The following FAM53A variants were observed in gnomAD, a reference collection of about 807,000 sequenced individuals.
FAM53A encodes family with sequence similarity 53 member A.
A neutral mutation model predicts 26.6 loss-of-function variants in FAM53A; 28 were observed. That is an observed-to-expected ratio of 1.05 (90% CI 0.78 to 1.45). The LOEUF (loss-of-function observed/expected upper bound fraction) is 1.45, where lower values mean the gene tolerates loss of function less well. FAM53A is among the 40% of genes most tolerant of loss of function. FAM53A has a pLI of 0.00. For synonymous variants in FAM53A, 290 were observed against 253.1 expected (o/e 1.15, Z -1.38); for missense variants, 650 against 575.8 (o/e 1.13, Z -1.32).
At position 1,650,344 on chromosome 4, in the gene FAM53A, C is replaced by G. The variant is rs1292798799; in HGVS notation, c.882+4634G>C. Among the ~76,000 whole-genome samples the G allele has an allele frequency of 3.6e-5, 5 of 138,886 alleles. No individual in the cohort carries two copies. In the East Asian group the frequency reaches 6.3e-4, roughly 17 times the overall value. The allele number at this position is 138,886 out of a possible 152,430, so 91.1% of individuals were successfully genotyped here. ...CATAGTGTTTGACTGTGAGGTGGCA[C>G]AGGCGTGGTGTTTGACTGTGAGGTG... On this transcript the variant is annotated intron_variant, in intron 4 of 4. Transcript: ENST00000308132.
At chr4:1,629,175 C>T (rs1441978654) in intron 1 of FAM53A, among the ~76,000 whole-genome samples, 1 of 152,032 alleles carries the variant, frequency 6.6e-6, no homozygotes, top group East Asian at 1.9e-4. Flanking sequence ...CTAGAGTGGG[C>T]CAGACCCATG....
At chr4:1,645,289 CGT>C (rs1177544871) in intron 4 of FAM53A, among the ~76,000 whole-genome samples, 1 of 152,370 alleles carries the variant, frequency 6.6e-6, no homozygotes, top group South Asian at 2.1e-4. Flanking sequence ...AAGCTCCGTG[CGT>C]GTGTCAGGCG....
the FAM53A span, chr4:1,580,026 G>A: frequency 2.3e-4 from 35 of 152,338 alleles, no homozygotes; most frequent in African/African-American, 7.9e-4. Context: ...TGTTTTTCCA[G>A]GTGATGATGT....
the FAM53A span, among the ~76,000 whole-genome samples, chr4:1,582,036 T>A: frequency 6.6e-6 from 1 of 152,088 alleles, no homozygotes; most frequent in Admixed American, 6.5e-5. Flanking sequence ...GGATTACAGG[T>A]GTGAGCCATC....
chr4:1,654,657 C>T lies in FAM53A; in HGVS notation c.882+321G>A, dbSNP rs548036035. On this transcript the variant is annotated intron_variant, in intron 4 of 4. Transcript: ENST00000308132. ...ACTCCCCAGCAGCTGAGGCGGGGGG[C>T]GGCTCAGCCAGGCCAGAAACCCACA... is the stretch of plus-strand genomic sequence containing the variant. Among the ~76,000 whole-genome samples, 13 of 152,290 alleles carry T rather than the reference C, an allele frequency of 8.5e-5. No individual in the cohort carries two copies. In the East Asian group the frequency reaches 1.5e-3, roughly 18 times the overall value.
intron 1 of FAM53A, among the ~76,000 whole-genome samples, chr4:1,623,610 T>C (rs1204491929): frequency 6.6e-6 from 1 of 152,132 alleles, no homozygotes; most frequent in Non-Finnish European, 1.5e-5. Flanking sequence ...GTAACCCAAG[T>C]GCCATCCGTC....
chr4:1,607,731 G>A, the FAM53A span, among the ~76,000 whole-genome samples: 11 of 152,014 alleles, frequency 7.2e-5, 1 homozygote, highest in South Asian at 1.5e-3. Context: ...ACCTGAGGTC[G>A]GGAGTTGGAG....
At chr4:1,580,273 C>G in the FAM53A span, 1 of 152,202 alleles carries the variant, frequency 6.6e-6, no homozygotes, top group African/African-American at 2.4e-5. Flanking sequence ...CCGCGGAGGC[C>G]AGGCAGCCTC....
chr4:1,663,796 C>T (rs1714026313), intron 2 of FAM53A, among the ~76,000 whole-genome samples: 1 of 151,812 alleles, frequency 6.6e-6, no homozygotes, highest in Admixed American at 6.6e-5. Flanking sequence ...CAGCAAGACC[C>T]CGTCTCTACC....
At chr4:1,680,800 A>AC (rs1715382943) in intron 1 of FAM53A, among the ~76,000 whole-genome samples, 2 of 152,022 alleles carry the variant, frequency 1.3e-5, no homozygotes, top group African/African-American at 2.4e-5. Context: ...AAACAAACAA[A>AC]AAAAAAACCG....
intron 1 of FAM53A, 118 bp from the exon 2 acceptor site, chr4:1,669,023 C>T (rs1714446683): frequency 2.7e-6 from 1 of 368,432 alleles, no homozygotes. Context: ...ACCTCACAAA[C>T]ACCCTCCCAT....
intron 2 of FAM53A, among the ~76,000 whole-genome samples, chr4:1,667,063 G>T (rs569867487): frequency 1.3e-5 from 2 of 151,898 alleles, no homozygotes; most frequent in Admixed American, 6.6e-5. Flanking sequence ...GGGAGGTGGA[G>T]GTTGCAGTGA....
the FAM53A span, among the ~76,000 whole-genome samples, chr4:1,592,933 C>T: frequency 6.6e-6 from 1 of 152,232 alleles, no homozygotes; most frequent in Middle Eastern, 3.4e-3. Flanking sequence ...GGGCCCGGGG[C>T]CGCTCACACC....
Position 1,641,380 on chromosome 4 carries a change from G to A in FAM53A, c.1110C>T (p.Asp370=). The change falls in exon 5 of 5, where the codon GAC becomes GAT. Residue 370 remains aspartate, a synonymous_variant. Transcript: ENST00000308132. ...TSDGSRRSSG[D]PRDGDSVGEE... is the part of the protein sequence containing the mutation. Reference sequence around the variant, plus strand: ...CCCCGACACTGTCCCCATCACGGGGGTCCCCGCTGCTCCTGCGGGAGCCAT... The same window carrying A: ...CCCCGACACTGTCCCCATCACGGGGATCCCCGCTGCTCCTGCGGGAGCCAT... 6.2e-7 allele frequency: 1 copy of A among 1,610,814 alleles called. No homozygotes were observed. The highest frequency in any genetic ancestry group is 8.5e-7 in the Non-Finnish European group (1 of 1,179,070).
At position 1,657,442 on chromosome 4, in the gene FAM53A, G is replaced by A. The variant is rs761771174; in HGVS notation, c.102C>T (p.Asn34=). The A allele has an allele frequency of 4.3e-6, 7 of 1,613,784 alleles. No homozygotes were observed. Among genetic ancestry groups the A allele is most frequent in the Admixed American group, 1.7e-5 (1 of 59,944 alleles). ...GPLQYSAETL[N]KSGRLFPLEL... is the part of the protein sequence containing the mutation. ...CCAAAGGGAACAGACGACCGCTCTT[G>A]TTCAGGGTTTCCGCAGAATACTGCA... Residue 34 remains asparagine (N), a synonymous_variant, in exon 3 of 5, where the codon AAC becomes AAT. Coordinates refer to ENST00000308132, the MANE Select transcript of FAM53A (RefSeq NM_001174070.3).
chr4:1,676,758 T>C (rs1328219989), intron 1 of FAM53A, among the ~76,000 whole-genome samples: 2 of 152,094 alleles, frequency 1.3e-5, no homozygotes, highest in Non-Finnish European at 2.9e-5. Context: ...GGTGTATCTC[T>C]TTGCCAACAC....
upstream of FAM53A, chr4:1,684,397 C>G (rs1046988591): frequency 6.7e-6 from 1 of 148,836 alleles, no homozygotes; most frequent in East Asian, 2.0e-4. Context: ...GCCGCGAGCC[C>G]GTCAGCCGCC....
chr4:1,643,571 T>A (rs1711954824), intron 4 of FAM53A, among the ~76,000 whole-genome samples: 1 of 151,222 alleles, frequency 6.6e-6, no homozygotes, highest in African/African-American at 2.4e-5. Context: ...AGAATAATTT[T>A]TTTTTTTTTT....
chr4:1,584,776 G>C, the FAM53A span, among the ~76,000 whole-genome samples: 1 of 152,246 alleles, frequency 6.6e-6, no homozygotes, highest in Non-Finnish European at 1.5e-5. Context: ...CCTATGGCAA[G>C]TGTCCCAAGA....
Sources: allele counts gnomAD v4.1 joint callset (sites outside exome capture counted in the v4.1 genomes callset), GRCh38; gene constraint gnomAD v4.1.1; transcripts MANE v1.5; gene names NCBI Gene and HGNC (gene_info 2026-07-23, HGNC 2026-07-21).